MGMT: variants seen among roughly 807,000 people sequenced by gnomAD.
MGMT encodes the protein methylated-DNA--protein-cysteine methyltransferase.
In MGMT, 14 loss-of-function variants were observed where a neutral mutation model predicts 15.9. The observed-to-expected ratio is 0.88, with a 90% CI of 0.58 to 1.37. The LOEUF is 1.37. MGMT is among the 40% of genes most tolerant of loss of function. The pLI is 0.00. For synonymous variants in MGMT, 130 were observed against 118.2 expected, an observed-to-expected ratio of 1.10 and a Z score of -0.65; for missense variants, 282 against 268.1, an observed-to-expected ratio of 1.05 and a Z score of -0.36.
At chr10:129,500,111 A>G (rs1354395112) in intron 1 of MGMT, among the ~76,000 whole-genome samples, 1 of 152,086 alleles carries the variant, frequency 6.6e-6, no homozygotes, top group Non-Finnish European at 1.5e-5. Flanking sequence ...TTGAATATGG[A>G]CTCACATTAT....
intron 1 of MGMT, among the ~76,000 whole-genome samples, chr10:129,486,869 A>G (rs1053838300): frequency 6.6e-6 from 1 of 152,220 alleles, no homozygotes; most frequent in Non-Finnish European, 1.5e-5. Context: ...AGAAGAGTGT[A>G]TTCTTTCCTG....
At position 129,566,530 on chromosome 10, in the gene MGMT, T is replaced by G. The variant is rs983017237; in HGVS notation, c.125+30153T>G. ...CCCACTTCCTCCCCGAGCTTCCCATTCCGTGTCTCTCTGGAGGGCCCATCA... is the reference window on the plus strand; with the variant it reads ...CCCACTTCCTCCCCGAGCTTCCCATGCCGTGTCTCTCTGGAGGGCCCATCA... On this transcript the variant is annotated intron_variant, in intron 2 of 4. Transcript: ENST00000651593. The surrounding 1 kb of genome is among the most constrained non-coding windows in gnomAD (Gnocchi z 4.1). Among the ~76,000 whole-genome samples, 16 of 152,106 alleles carry G rather than the reference T, an allele frequency of 1.1e-4. No homozygotes were observed. Among genetic ancestry groups the G allele is most frequent in the Non-Finnish European group, 2.9e-5 (2 of 68,026 alleles).
chr10:129,540,567 T>C (rs1846032367), intron 2 of MGMT, among the ~76,000 whole-genome samples: 1 of 152,240 alleles, frequency 6.6e-6, no homozygotes, highest in African/African-American at 2.4e-5. Flanking sequence ...TGTGTTGACA[T>C]AGTCATGTGC....
intron 1 of MGMT, among the ~76,000 whole-genome samples, chr10:129,501,745 C>T (rs757953118): frequency 5.9e-5 from 9 of 152,174 alleles, no homozygotes; most frequent in Non-Finnish European, 1.2e-4. Context: ...GTTTCTTGTC[C>T]AACACTACTT....
chr10:129,745,006 G>A (rs1848677736), intron 3 of MGMT, among the ~76,000 whole-genome samples: 1 of 152,168 alleles, frequency 6.6e-6, no homozygotes, highest in African/African-American at 2.4e-5. Context: ...CGGGAGGTAG[G>A]TGCCTGGTCC....
intron 3 of MGMT, among the ~76,000 whole-genome samples, chr10:129,712,492 C>T (rs768890261): frequency 3.9e-5 from 6 of 152,156 alleles, no homozygotes; most frequent in Non-Finnish European, 8.8e-5. Context: ...TATAGAGCCT[C>T]AGAAAGGATT....
intron 1 of MGMT, among the ~76,000 whole-genome samples, chr10:129,535,314 A>G (rs1224383975): frequency 6.6e-6 from 1 of 152,156 alleles, no homozygotes; most frequent in African/African-American, 2.4e-5. Context: ...GAGGATCGCT[A>G]GAGCCCAGGA....
chr10:129,501,296 G>A (rs1412715706), intron 1 of MGMT, among the ~76,000 whole-genome samples: 1 of 152,154 alleles, frequency 6.6e-6, no homozygotes, highest in Admixed American at 6.5e-5. Flanking sequence ...GCGGGGGTGG[G>A]GGAGGATGCC....
chr10:129,607,463 G>C (rs1449678498), intron 2 of MGMT, among the ~76,000 whole-genome samples: 1 of 152,178 alleles, frequency 6.6e-6, no homozygotes. Context: ...ACTGGCTGCT[G>C]CCAGGGTGTT....
Position 129,556,643 on chromosome 10 carries a change from C to T in MGMT, c.125+20266C>T, listed in dbSNP as rs1846217481. ...GTAGAAGAGGCGCCGCCATCCCAGA[C>T]AGTGTTCATAAACACCGACGGCAAA... On this transcript the variant is annotated intron_variant, in intron 2 of 4. Coordinates refer to ENST00000651593, the MANE Select transcript of MGMT (RefSeq NM_002412.5). The surrounding 1 kb of genome is among the most constrained non-coding windows in gnomAD (Gnocchi z 4.3). Among the ~76,000 whole-genome samples, 1 of 152,184 alleles carries T rather than the reference C, an allele frequency of 6.6e-6. No homozygotes were observed.
intron 2 of MGMT, among the ~76,000 whole-genome samples, chr10:129,678,612 T>TA (rs1376032675): frequency 1.3e-5 from 2 of 152,160 alleles, no homozygotes; most frequent in Non-Finnish European, 2.9e-5. Context: ...AGACACACTG[T>TA]AAGTTATTTA....
chr10:129,687,287 ATTG>A (rs1001974742), intron 2 of MGMT, among the ~76,000 whole-genome samples: 18 of 152,134 alleles, frequency 1.2e-4, no homozygotes, highest in Middle Eastern at 6.8e-3. Flanking sequence ...CATATATTGA[ATTG>A]TTATGTCTCA....
At chr10:129,490,824 C>T (rs1845462044) in intron 1 of MGMT, among the ~76,000 whole-genome samples, 1 of 152,096 alleles carries the variant, frequency 6.6e-6, no homozygotes, top group Non-Finnish European at 1.5e-5. Flanking sequence ...CCATTTTTCT[C>T]CCCTTTCTGG....
intron 1 of MGMT, among the ~76,000 whole-genome samples, chr10:129,472,433 A>T (rs1357675530): frequency 1.3e-5 from 2 of 152,096 alleles, no homozygotes; most frequent in African/African-American, 4.8e-5. Context: ...TCACGGAAGG[A>T]TGAAACGAGA....
intron 2 of MGMT, among the ~76,000 whole-genome samples, chr10:129,558,697 G>A (rs1028727451): frequency 1.3e-5 from 2 of 152,094 alleles, no homozygotes; most frequent in African/African-American, 2.4e-5. Context: ...TGATGTTGCC[G>A]CCCTGCACGG....
chr10:129,741,342 G>A (rs887014076), intron 3 of MGMT, among the ~76,000 whole-genome samples: 2 of 152,168 alleles, frequency 1.3e-5, no homozygotes, highest in African/African-American at 2.4e-5. Flanking sequence ...TACATTGAAC[G>A]GCAACACCCG....
intron 2 of MGMT, among the ~76,000 whole-genome samples, chr10:129,673,998 C>T (rs1017231739): frequency 4.6e-5 from 7 of 152,222 alleles, no homozygotes; most frequent in Admixed American, 1.3e-4. Flanking sequence ...TTCCTGAGAC[C>T]TCTTACATAT....
chr10:129,581,969 G>T (rs572345190), intron 2 of MGMT, among the ~76,000 whole-genome samples: 5 of 152,210 alleles, frequency 3.3e-5, no homozygotes, highest in Admixed American at 2.6e-4. Flanking sequence ...TGTAGGAGGC[G>T]CTCTGCCTGT....
chr10:129,488,008 C>CAGGT (rs1410366925), intron 1 of MGMT, among the ~76,000 whole-genome samples: 2 of 104,070 alleles, frequency 1.9e-5, no homozygotes, highest in African/African-American at 9.3e-5. Flanking sequence ...TAGGTATACA[C>CAGGT]ACACACACAC....
Sources: gnomAD v4.1 joint callset for allele counts (sites outside exome capture counted in the v4.1 genomes callset) on GRCh38, gnomAD v4.1.1 for gene constraint, Gnocchi (gnomAD v3.1) non-coding constraint, MANE v1.5 for transcripts, NCBI Gene and HGNC (gene_info 2026-07-23, HGNC 2026-07-21) for gene names.